RNASE11: variants seen among roughly 807,000 people sequenced by gnomAD.
RNASE11 encodes ribonuclease A family member 11 (inactive).
For missense variants in RNASE11, 252 were observed against 237.8 expected (o/e 1.06, Z -0.39); for synonymous variants, 105 against 86.1 (o/e 1.22, Z -1.21).
At chr14:20,587,770 A>T, upstream of RNASE11, 2 of 985,510 alleles carry the variant, frequency 2.0e-6, no homozygotes, top group Non-Finnish European at 2.4e-6. Context: ...TTCACTTACG[A>T]TTATCCCCCA....
chr14:20,585,466 A>T (rs758567670), intron 1 of RNASE11, among the ~76,000 whole-genome samples: 1 of 152,170 alleles, frequency 6.6e-6, no homozygotes, highest in Non-Finnish European at 1.5e-5. Flanking sequence ...AGCCTGAAAC[A>T]CAGTTTCTGA....
At chr14:20,585,150 C>A in intron 1 of RNASE11, 1 of 899,886 alleles carries the variant, frequency 1.1e-6, no homozygotes, top group Non-Finnish European at 1.3e-6. Flanking sequence ...GGAGGGGCAA[C>A]AGAGGGGTAG....
chr14:20,584,911 C>T (rs1884404233), intron 1 of RNASE11: 2 of 203,884 alleles, frequency 9.8e-6, no homozygotes, highest in African/African-American at 4.7e-5. Flanking sequence ...CCTATAGCCT[C>T]ATATAGAACC....
chr14:20,583,556 C>A, downstream of RNASE11: 1 of 273,296 alleles, frequency 3.7e-6, no homozygotes, highest in East Asian at 7.2e-5. Flanking sequence ...GTCCTTGTTT[C>A]CTTAATTCTG....
chr14:20,583,545 A>C (rs72676422), downstream of RNASE11: 7 of 258,714 alleles, frequency 2.7e-5, no homozygotes, highest in African/African-American at 4.4e-5. Context: ...TATTGGCTTT[A>C]GTCCTTGTTT....
exon 2 of RNASE11, chr14:20,583,620 C>G: frequency 2.6e-6 from 1 of 379,054 alleles, no homozygotes; most frequent in South Asian, 5.8e-5. Flanking sequence ...GGATGAAATT[C>G]AGTTTGTTTT....
At chr14:20,585,803 A>G (rs1034958332) in intron 1 of RNASE11, among the ~76,000 whole-genome samples, 1 of 152,252 alleles carries the variant, frequency 6.6e-6, no homozygotes, top group Non-Finnish European at 1.5e-5. Flanking sequence ...ACAACATAAC[A>G]TGACCTTACT....
At chr14:20,584,494 C>A (rs374640565) in exon 2 of RNASE11, 5 of 1,546,670 alleles carry the variant, frequency 3.2e-6, no homozygotes, top group Non-Finnish European at 4.3e-6. Context: ...AGTGTAATCT[C>A]TTCTGCAGTA....
At chr14:20,588,622 A>T (rs953102768), upstream of RNASE11, among the ~76,000 whole-genome samples, 1 of 152,156 alleles carries the variant, frequency 6.6e-6, no homozygotes, top group Non-Finnish European at 1.5e-5. Context: ...TGCTATCTTT[A>T]AAAAAGACCC....
At chr14:20,587,922 A>G (rs753704356), upstream of RNASE11, 49 of 871,840 alleles carry the variant, frequency 5.6e-5, no homozygotes, top group Non-Finnish European at 6.7e-5. Flanking sequence ...AAGTCTCTCA[A>G]CTGAAAAGAT....
At chr14:20,586,427 T>C (rs1211080528) in intron 1 of RNASE11, among the ~76,000 whole-genome samples, 1 of 152,102 alleles carries the variant, frequency 6.6e-6, no homozygotes, top group Non-Finnish European at 1.5e-5. Flanking sequence ...TTTGATGTTA[T>C]TATGTATGAA....
At chr14:20,584,391 T>A (rs747284506) in exon 2 of RNASE11, 1 of 1,614,146 alleles carries the variant, frequency 6.2e-7, no homozygotes, top group Non-Finnish European at 8.5e-7. Flanking sequence ...CTGTAAATTC[T>A]TCTTTAATTA....
intron 1 of RNASE11, among the ~76,000 whole-genome samples, chr14:20,585,533 T>A (rs1289923669): frequency 6.6e-6 from 1 of 152,222 alleles, no homozygotes; most frequent in African/African-American, 2.4e-5. Flanking sequence ...TAATAAAGAA[T>A]CTGCACTCCA....
chr14:20,588,361 A>G (rs1472211608), upstream of RNASE11: 2 of 152,236 alleles, frequency 1.3e-5, no homozygotes, highest in East Asian at 3.8e-4. Context: ...GAAACTAAGC[A>G]GTAAGTCCAA....
At chr14:20,589,975 C>T (rs1198409891), upstream of RNASE11, among the ~76,000 whole-genome samples, 1 of 152,208 alleles carries the variant, frequency 6.6e-6, no homozygotes, top group African/African-American at 2.4e-5. Flanking sequence ...AAGTTTTGCA[C>T]CTCAAGTGAG....
chr14:20,588,971 G>C (rs1884497523), upstream of RNASE11, among the ~76,000 whole-genome samples: 1 of 152,004 alleles, frequency 6.6e-6, no homozygotes, highest in Non-Finnish European at 1.5e-5. Context: ...ATTTTTAGTG[G>C]AGAGGAGGTT....
upstream of RNASE11, among the ~76,000 whole-genome samples, chr14:20,589,078 C>T (rs1373307026): frequency 2.6e-5 from 4 of 152,082 alleles, no homozygotes; most frequent in East Asian, 1.9e-4. Flanking sequence ...TGAGCCACCA[C>T]GCCTGGCCAG....
chr14:20,587,397 A>T (rs1222031206), intron 1 of RNASE11, among the ~76,000 whole-genome samples, 166 bp downstream of exon 2: 1 of 152,210 alleles, frequency 6.6e-6, no homozygotes, highest in African/African-American at 2.4e-5. Flanking sequence ...AAAAGCACTG[A>T]AAAGGAAAGA....
At chr14:20,587,840 A>G (rs566352835), upstream of RNASE11, 12 of 985,520 alleles carry the variant, frequency 1.2e-5, no homozygotes, top group African/African-American at 2.1e-4. Context: ...AGACAGAGCT[A>G]ACAACTAGCG....
Sources: allele counts gnomAD v4.1 joint callset (sites outside exome capture counted in the v4.1 genomes callset), GRCh38; gene constraint gnomAD v4.1.1; transcripts MANE v1.5; gene names NCBI Gene and HGNC (gene_info 2026-07-23, HGNC 2026-07-21).